Variants in LRRTM4 observed in about 807,000 individuals in gnomAD.
LRRTM4 encodes the protein leucine-rich repeat transmembrane neuronal protein 4.
LRRTM4 carries 25 observed loss-of-function variants against 47.6 expected under a neutral mutation model. That is an observed-to-expected ratio of 0.53 (90% CI 0.38 to 0.73). The LOEUF (loss-of-function observed/expected upper bound fraction) is 0.73, where lower values mean the gene tolerates loss of function less well. Among genes scored for constraint, LRRTM4 ranks in the 30% least tolerant of loss-of-function variants. The probability of loss-of-function intolerance (pLI) is 0.00; values close to 1 mark genes in which losing one functional copy is unlikely to be tolerated. For synonymous variants in LRRTM4, 311 were observed against 269.5 expected, an observed-to-expected ratio of 1.15 and a Z score of -1.51; for missense variants, 638 against 713.4, an observed-to-expected ratio of 0.89 and a Z score of 1.20.
chr2:76,898,219 A>G (rs1673490278), intron 3 of LRRTM4, among the ~76,000 whole-genome samples: 1 of 152,112 alleles, frequency 6.6e-6, no homozygotes, highest in Non-Finnish European at 1.5e-5. Flanking sequence ...TAAATTCATG[A>G]GAGTGCTTTG....
intron 3 of LRRTM4, among the ~76,000 whole-genome samples, chr2:76,834,047 T>C (rs1053346942): frequency 6.7e-6 from 1 of 150,354 alleles, no homozygotes; most frequent in African/African-American, 2.4e-5. Context: ...TATTTATTTA[T>C]TTATTTATTT....
chr2:77,504,924 C>G (rs1235925190), intron 3 of LRRTM4, among the ~76,000 whole-genome samples: 1 of 151,348 alleles, frequency 6.6e-6, no homozygotes, highest in Non-Finnish European at 1.5e-5. Context: ...TTTTTCTCAG[C>G]ATTGCATCCA....
chr2:77,404,318 T>G (rs1190485165), intron 3 of LRRTM4, among the ~76,000 whole-genome samples: 2 of 152,092 alleles, frequency 1.3e-5, no homozygotes, highest in Non-Finnish European at 2.9e-5. Flanking sequence ...TCACTATCTC[T>G]AATTTTCCCA....
intron 3 of LRRTM4, among the ~76,000 whole-genome samples, chr2:76,984,661 A>G (rs931260408): frequency 1.3e-5 from 2 of 152,008 alleles, no homozygotes; most frequent in African/African-American, 2.4e-5. Context: ...TAAGATTGGA[A>G]GATCAGAAAA....
At chr2:77,360,069 G>C (rs1386570118) in intron 3 of LRRTM4, among the ~76,000 whole-genome samples, 1 of 152,038 alleles carries the variant, frequency 6.6e-6, no homozygotes, top group Non-Finnish European at 1.5e-5. Flanking sequence ...TTTTAGATAA[G>C]TATATGATAA....
intron 3 of LRRTM4, among the ~76,000 whole-genome samples, chr2:76,795,606 ATTTTC>A (rs1675253461): frequency 2.1e-5 from 2 of 94,876 alleles, no homozygotes; most frequent in Non-Finnish European, 4.1e-5. Flanking sequence ...CACACACTAC[ATTTTC>A]TTTATCCATC....
chr2:76,895,963 G>C (rs770459214), intron 3 of LRRTM4, among the ~76,000 whole-genome samples: 2 of 151,948 alleles, frequency 1.3e-5, no homozygotes, highest in Non-Finnish European at 2.9e-5. Flanking sequence ...AGGTTTACAG[G>C]GTGAATAAAA....
chr2:77,245,425 G>A (rs1309571228), intron 3 of LRRTM4, among the ~76,000 whole-genome samples: 5 of 150,950 alleles, frequency 3.3e-5, no homozygotes, highest in African/African-American at 1.2e-4. Context: ...AAATGAGACA[G>A]GAGGGTCACT....
rs569855240 is a variant in LRRTM4 at position 76,948,586 on chromosome 2, A to C, written c.1552-199670T>G. Among the ~76,000 whole-genome samples, 331 of 151,932 alleles carry C rather than the reference A, an allele frequency of 2.2e-3. 1 individual carries two copies. The highest frequency in any genetic ancestry group is 7.7e-3 in the African/African-American group (320 of 41,536). ...ATGATTCTGCAGGTGTTATATGGTA[A>C]CTTAATAACAGCTCTTATACATCTA... On this transcript the variant is annotated intron_variant, in intron 3 of 3. Coordinates refer to ENST00000409884, the MANE Select transcript of LRRTM4 (RefSeq NM_001134745.3).
At chr2:77,227,706 T>C (rs1292999897) in intron 3 of LRRTM4, among the ~76,000 whole-genome samples, 1 of 152,130 alleles carries the variant, frequency 6.6e-6, no homozygotes, top group Non-Finnish European at 1.5e-5. Context: ...TTCACAACAT[T>C]TTAAATACAG....
intron 3 of LRRTM4, among the ~76,000 whole-genome samples, chr2:77,213,807 T>C (rs1165041539): frequency 6.6e-6 from 1 of 152,076 alleles, no homozygotes; most frequent in Admixed American, 6.6e-5. Context: ...TGGGACGGTG[T>C]AATTGATCCT....
intron 3 of LRRTM4, among the ~76,000 whole-genome samples, chr2:77,495,299 A>G (rs1419785588): frequency 6.6e-6 from 1 of 152,036 alleles, no homozygotes; most frequent in Non-Finnish European, 1.5e-5. Flanking sequence ...CATCTTTGCC[A>G]ATACTTGATC....
At chr2:77,484,077 A>G (rs965844887) in intron 3 of LRRTM4, among the ~76,000 whole-genome samples, 1 of 152,192 alleles carries the variant, frequency 6.6e-6, no homozygotes, top group Non-Finnish European at 1.5e-5. Flanking sequence ...AGTGCAATTT[A>G]GCTGCATTTA....
intron 3 of LRRTM4, among the ~76,000 whole-genome samples, chr2:77,072,862 T>C (rs1436844510): frequency 2.0e-5 from 3 of 151,758 alleles, no homozygotes; most frequent in Non-Finnish European, 4.4e-5. Context: ...TGTATGATTT[T>C]CTCAGTTATT....
intron 3 of LRRTM4, among the ~76,000 whole-genome samples, chr2:76,914,834 C>CT: frequency 6.6e-6 from 1 of 152,134 alleles, no homozygotes; most frequent in South Asian, 2.1e-4. Context: ...CTATTATAGT[C>CT]TGGCTACAGT....
At chr2:77,055,932 T>A (rs1032718134) in intron 3 of LRRTM4, among the ~76,000 whole-genome samples, 2 of 150,550 alleles carry the variant, frequency 1.3e-5, no homozygotes, top group Admixed American at 1.3e-4. Context: ...CAGTAAACTA[T>A]TGCAAGAACA....
chr2:77,311,349 A>T (rs1308677192), intron 3 of LRRTM4, among the ~76,000 whole-genome samples: 1 of 152,086 alleles, frequency 6.6e-6, no homozygotes, highest in Non-Finnish European at 1.5e-5. Flanking sequence ...GCTCAGGAGG[A>T]ATTATTTAAT....
chr2:77,245,601 C>T (rs1018333907), intron 3 of LRRTM4, among the ~76,000 whole-genome samples: 71 of 138,626 alleles, frequency 5.1e-4, no homozygotes, highest in African/African-American at 1.9e-3. Flanking sequence ...AACCAAAAAA[C>T]AGCTAGGATT....
At chr2:76,869,284 G>A (rs577930240) in intron 3 of LRRTM4, among the ~76,000 whole-genome samples, 1 of 151,988 alleles carries the variant, frequency 6.6e-6, no homozygotes, top group Non-Finnish European at 1.5e-5. Context: ...ACTCCAGCCT[G>A]GCGAGAGAGC....
Sources: allele counts gnomAD v4.1 joint callset (sites outside exome capture counted in the v4.1 genomes callset), GRCh38; gene constraint gnomAD v4.1.1; transcripts MANE v1.5; gene names NCBI Gene and HGNC (gene_info 2026-07-23, HGNC 2026-07-21).